CCDC66: variants seen among roughly 807,000 people sequenced by gnomAD.
CCDC66 encodes the protein coiled-coil domain containing 66, also known as coiled-coil domain-containing protein 66.
CCDC66 carries 133 observed loss-of-function variants against 128.3 expected under a neutral mutation model. The observed-to-expected ratio is 1.04, with a 90% CI of 0.90 to 1.20. CCDC66 has a LOEUF of 1.20. Ranked by LOEUF, CCDC66 falls within the 50% of genes most tolerant of loss-of-function variation. CCDC66 has a pLI of 0.00. For synonymous variants in CCDC66, 387 were observed against 357.0 expected (o/e 1.08, Z -0.95); for missense variants, 1,126 against 1,075.5 (o/e 1.05, Z -0.66).
chr3:56,620,259 A>C (rs1438709845), intron 17 of CCDC66: 1 of 158,158 alleles, frequency 6.3e-6, no homozygotes, highest in Admixed American at 6.3e-5. Flanking sequence ...CACGCTTTTT[A>C]AAAAATTGAC....
chr3:56,609,050 C>T (rs890508782), intron 10 of CCDC66, among the ~76,000 whole-genome samples: 1 of 152,036 alleles, frequency 6.6e-6, no homozygotes, highest in Non-Finnish European at 1.5e-5. Flanking sequence ...GGAGAAAGTT[C>T]CACGTGCTTT....
intron 6 of CCDC66, chr3:56,569,403 G>A: frequency 3.6e-6 from 1 of 274,622 alleles, no homozygotes; most frequent in Non-Finnish European, 7.7e-6. Context: ...GGCAAAGGGG[G>A]AGCAGGCATT....
Position 56,594,033 on chromosome 3 carries a change from T to C in CCDC66, c.1404+5T>C, listed in dbSNP as rs1345018037. On this transcript the variant is annotated splice_donor_5th_base_variant and intron_variant, in intron 10 of 17. Coordinates refer to ENST00000394672, the MANE Select transcript of CCDC66 (RefSeq NM_001141947.3). ...CAAAAACAATTAGAGCATCAGGTAT[T>C]GCATTGTTAAACATTGTTCTTTACC... 1 of 1,610,574 alleles carries C rather than the reference T, an allele frequency of 6.2e-7. No homozygotes were observed. Among genetic ancestry groups the C allele is most frequent in the Non-Finnish European group, 8.5e-7 (1 of 1,176,646 alleles).
chr3:56,604,483 A>C (rs2073756982), intron 10 of CCDC66, among the ~76,000 whole-genome samples: 1 of 151,856 alleles, frequency 6.6e-6, no homozygotes, highest in South Asian at 2.1e-4. Context: ...TGGTGACAAA[A>C]TCTCTCAGAA....
intron 11 of CCDC66, 30 bp downstream of exon 11, chr3:56,613,780 G>A: frequency 6.3e-7 from 1 of 1,580,836 alleles, no homozygotes; most frequent in Non-Finnish European, 8.6e-7. Flanking sequence ...TTGTAACTTT[G>A]GTTTTTGTTT....
intron 10 of CCDC66, among the ~76,000 whole-genome samples, chr3:56,608,588 G>GTATT: frequency 4.6e-5 from 1 of 21,690 alleles, no homozygotes; most frequent in Middle Eastern, 0.036. Context: ...TGTTTCATTT[G>GTATT]TCGTTTGTTT....
At chr3:56,615,784 T>C (rs540982044) in intron 12 of CCDC66, 138 bp from the exon 13 acceptor site, 10 of 573,396 alleles carry the variant, frequency 1.7e-5, no homozygotes, top group Admixed American at 3.9e-5. Flanking sequence ...GATAGGAATG[T>C]GGGTACTTTT....
At chr3:56,566,327 G>T (rs1339968774) in intron 4 of CCDC66, among the ~76,000 whole-genome samples, 3 of 152,070 alleles carry the variant, frequency 2.0e-5, no homozygotes, top group Non-Finnish European at 4.4e-5. Context: ...GTTTTGTCAT[G>T]TTGCCCAGGC....
intron 14 of CCDC66, 102 bp from the exon 15 acceptor site, chr3:56,618,070 A>C (rs2075745469): frequency 2.1e-6 from 2 of 937,650 alleles, no homozygotes; most frequent in African/African-American, 1.6e-5. Context: ...TGTTATTCAA[A>C]TATTACCCTC....
chr3:56,563,919 C>T lies in CCDC66; in HGVS notation c.338C>T (p.Pro113Leu). Residue 113 changes from proline (P) to leucine (L), a missense_variant, in exon 4 of 18, where the codon CCT becomes CTT. By Grantham distance (98) the Pro-to-Leu change is moderately conservative. Coordinates refer to ENST00000394672, the MANE Select transcript of CCDC66 (RefSeq NM_001141947.3). Reference sequence around the variant, plus strand: ...CTTCATATCCAGAAAGAGATTTCACCTGCAACCCCTAATATGCAGAAGACT... The same window carrying T: ...CTTCATATCCAGAAAGAGATTTCACTTGCAACCCCTAATATGCAGAAGACT... ...DCLHIQKEISPATPNMQKTRN... is the reference protein window; with the variant it reads ...DCLHIQKEISLATPNMQKTRN... 6.2e-7 allele frequency: 1 copy of T among 1,613,640 alleles called. No individual in the cohort carries two copies. Among genetic ancestry groups the T allele is most frequent in the South Asian group, 1.1e-5 (1 of 91,066 alleles).
chr3:56,580,238 T>G (rs1221746903), intron 7 of CCDC66, among the ~76,000 whole-genome samples: 1 of 151,362 alleles, frequency 6.6e-6, no homozygotes, highest in Non-Finnish European at 1.5e-5. Flanking sequence ...CAACCCCTGC[T>G]TTTTTTTGTT....
At position 56,564,929 on chromosome 3, in the gene CCDC66, T is replaced by G. The variant is rs1440784371; in HGVS notation, c.544+804T>G. Among the ~76,000 whole-genome samples, 4 of 152,342 alleles carry G rather than the reference T, an allele frequency of 2.6e-5. No individual in the cohort carries two copies. In the East Asian group the frequency reaches 7.7e-4, roughly 29 times the overall value. ...TAAAATGAGGGAGCTGGATTTTGTC[T>G]TTAAGGCTAAAATTCTAGCAACAAC... is the stretch of plus-strand genomic sequence containing the variant. On this transcript the variant is annotated intron_variant, in intron 4 of 17. Transcript: ENST00000394672.
rs2065937920 is a variant in CCDC66 at position 56,566,936 on chromosome 3, G to A, written c.711-14G>A. On this transcript the variant is annotated splice_polypyrimidine_tract_variant and intron_variant, in intron 5 of 17. Transcript: ENST00000394672. ...TATGATACAGTTTCTGTTATCTTTT[G>A]TGTTTTACCTTAGAGAGAATGAATG... is the stretch of plus-strand genomic sequence containing the variant. 1 of 1,596,968 alleles carries A rather than the reference G, an allele frequency of 6.3e-7. No individual in the cohort carries two copies. Among genetic ancestry groups the A allele is most frequent in the Non-Finnish European group, 8.6e-7 (1 of 1,166,566 alleles).
rs567094149 is a variant in CCDC66 at position 56,606,935 on chromosome 3, G to A, written c.1405-6654G>A. 1.9e-4 allele frequency among the ~76,000 whole-genome samples: 29 copies of A among 152,040 alleles called. 1 individual carries two copies. The highest frequency in any genetic ancestry group is 4.1e-4 in the African/African-American group (17 of 41,390). On this transcript the variant is annotated intron_variant, in intron 10 of 17. Transcript: ENST00000394672. The stretch of plus-strand genomic sequence containing the variant: ...ACTTCATGTTTTTGTTTGCTTTGTC[G>A]AAGATCAGTTGGCTGTAAGTATTTG...
rs546484354 is a variant in CCDC66, at chr3:56,618,262, G to T, written c.2378+50G>T. ...GCAGCTACTTAATGCTTTCTATGTG[G>T]GACAAAAAAGGGATTCAAGATCTGG... On this transcript the variant is annotated intron_variant, in intron 15 of 17. Transcript: ENST00000394672. The T allele has an allele frequency of 7.6e-6, 11 of 1,454,200 alleles. No individual in the cohort carries two copies. The East Asian group carries it at 1.4e-4, about 18-fold the overall frequency. 90.1% of individuals were successfully genotyped at this position (1,454,200 alleles called of 1,614,324 possible).
chr3:56,621,448 A>G, intron 17 of CCDC66, 84 bp from the exon 18 acceptor site: 1 of 941,392 alleles, frequency 1.1e-6, no homozygotes, highest in Non-Finnish European at 1.6e-6. Flanking sequence ...TATGTTTTCC[A>G]AGTGAATATA....
At chr3:56,560,750 T>C (rs546011331) in intron 3 of CCDC66, 15 of 386,796 alleles carry the variant, frequency 3.9e-5, no homozygotes, top group South Asian at 2.4e-4. Context: ...GCCAACTGTT[T>C]TGATACTTCT....
intron 12 of CCDC66, 194 bp from the exon 13 acceptor site, chr3:56,615,728 T>C: frequency 2.4e-6 from 1 of 411,792 alleles, no homozygotes; most frequent in East Asian, 5.5e-5. Context: ...TTGTGTCTAT[T>C]TTTACCGAGA....
chr3:56,617,766 GAA>G, intron 14 of CCDC66, 161 bp downstream of exon 14: 1 of 820,318 alleles, frequency 1.2e-6, no homozygotes, highest in South Asian at 1.9e-5. Flanking sequence ...CCTGTTTTTG[GAA>G]AGTTTTATAC....
Sources: allele counts gnomAD v4.1 joint callset (sites outside exome capture counted in the v4.1 genomes callset), GRCh38; gene constraint gnomAD v4.1.1; transcripts MANE v1.5; gene names NCBI Gene and HGNC (gene_info 2026-07-23, HGNC 2026-07-21).